Variants in DLGAP4 observed in about 807,000 individuals in gnomAD.
DLGAP4 encodes disks large-associated protein 4.
In DLGAP4, 18 loss-of-function variants were observed where a neutral mutation model predicts 86.9. The observed-to-expected ratio is 0.21, with a 90% CI of 0.14 to 0.31. The LOEUF is 0.31. DLGAP4 is among the 10% of genes least tolerant of loss of function. The pLI is 1.00. For synonymous variants in DLGAP4, 548 were observed against 574.3 expected (o/e 0.95, Z 0.65); for missense variants, 1,085 against 1,362.6 (o/e 0.80, Z 3.21).
chr20:36,499,694 G>A lies in DLGAP4; in HGVS notation c.2099+18G>A. 6.2e-7 allele frequency: 1 copy of A among 1,607,840 alleles called. No individual in the cohort carries two copies. Among genetic ancestry groups the A allele is most frequent in the Non-Finnish European group, 8.5e-7 (1 of 1,176,390 alleles). ...GACTGGCGGTAAGTCGGACAGAGGT[G>A]GCGGCTGCTTCTCCCCTCTCCTCTC... On this transcript the variant is annotated intron_variant, in intron 9 of 12. Coordinates refer to ENST00000339266, the MANE Select transcript of DLGAP4 (RefSeq NM_001365621.2).
chr20:36,383,978 C>A (rs1217938900), intron 2 of DLGAP4, among the ~76,000 whole-genome samples: 1 of 138,138 alleles, frequency 7.2e-6, no homozygotes, highest in Non-Finnish European at 1.5e-5. Flanking sequence ...AGCGAGACTC[C>A]GTCTCAAAAA....
At chr20:36,336,391 C>T (rs191401267) in intron 1 of DLGAP4, among the ~76,000 whole-genome samples, 3 of 152,272 alleles carry the variant, frequency 2.0e-5, no homozygotes, top group Non-Finnish European at 2.9e-5. Context: ...CAGGGCTTCC[C>T]GCCTGTGTTA....
intron 2 of DLGAP4, among the ~76,000 whole-genome samples, chr20:36,423,449 C>T (rs1600510080): frequency 1.7e-5 from 2 of 120,316 alleles, no homozygotes; most frequent in South Asian, 6.3e-4. Context: ...GAGCAAGACT[C>T]CGTCTCAAAA....
rs185996382 is a variant in DLGAP4, at chr20:36,353,692, G to A, written c.-303-13353G>A. Among the ~76,000 whole-genome samples, 6 of 152,306 alleles carry A rather than the reference G, an allele frequency of 3.9e-5. No homozygotes were observed. In the East Asian group the frequency reaches 7.7e-4, roughly 20 times the overall value. On this transcript the variant is annotated intron_variant, in intron 1 of 12. Transcript: ENST00000339266. ...AGAGCTGGGGCTCCAACCTGTGTCC[G>A]CCACTTTGCCATTCAGAACTCTGAG...
intron 2 of DLGAP4, among the ~76,000 whole-genome samples, chr20:36,418,586 A>C (rs1371654700): frequency 6.6e-6 from 1 of 152,150 alleles, no homozygotes; most frequent in Non-Finnish European, 1.5e-5. Context: ...TGCTGAAGCC[A>C]GGCAGGTTTC....
intron 6 of DLGAP4, among the ~76,000 whole-genome samples, chr20:36,446,236 T>G (rs1157979936): frequency 1.3e-5 from 2 of 152,132 alleles, no homozygotes; most frequent in African/African-American, 4.8e-5. Flanking sequence ...TGGGTACCCA[T>G]GGCAAGTGTC....
intron 2 of DLGAP4, among the ~76,000 whole-genome samples, chr20:36,401,842 G>A (rs548087680): frequency 2.0e-5 from 3 of 152,354 alleles, no homozygotes; most frequent in South Asian, 4.1e-4. Context: ...AGGAGGTGAC[G>A]TCTGTGCCAA....
rs2037899300 is a variant in DLGAP4, at chr20:36,528,380, TATGCTG to T, written c.*1350_*1355del. The T allele has an allele frequency of 6.6e-6, 1 of 152,632 alleles. No homozygotes were observed. 9.5% of individuals were successfully genotyped at this position (152,632 alleles called of 1,614,324 possible). A position where few individuals can be genotyped will look rare whatever the true frequency, so the allele number is the denominator to read the frequency against. On this transcript the variant is annotated 3_prime_UTR_variant, in exon 13 of 13. Coordinates refer to ENST00000339266, the MANE Select transcript of DLGAP4 (RefSeq NM_001365621.2). ...CAGCTCAGTACCTGAGGGGCTGCTCTATGCTGTGTATGCGCCTCTCTGGCATCCGAG... is the reference window on the plus strand; with the variant it reads ...CAGCTCAGTACCTGAGGGGCTGCTCTTGTATGCGCCTCTCTGGCATCCGAG...
chr20:36,333,641 T>C (rs782678007), intron 1 of DLGAP4, among the ~76,000 whole-genome samples: 2 of 152,200 alleles, frequency 1.3e-5, no homozygotes, highest in Non-Finnish European at 2.9e-5. Flanking sequence ...TGGGTTGCTG[T>C]GTGACTCCCC....
intron 8 of DLGAP4, 110 bp from the exon 9 acceptor site, chr20:36,499,478 C>G: frequency 7.3e-7 from 1 of 1,375,696 alleles, no homozygotes; most frequent in Non-Finnish European, 1.0e-6. Context: ...TGTCTGTCCA[C>G]ACGTCCGTTT....
chr20:36,493,469 C>T (rs780596581), intron 7 of DLGAP4, among the ~76,000 whole-genome samples: 6 of 152,164 alleles, frequency 3.9e-5, no homozygotes, highest in Non-Finnish European at 7.4e-5. Flanking sequence ...CCCGCCCTTC[C>T]GGAACAGAGG....
intron 7 of DLGAP4, chr20:36,462,461 G>T: frequency 6.5e-7 from 1 of 1,540,446 alleles, no homozygotes. Context: ...GCCCCCCCTT[G>T]CTTTTTCAGC....
intron 7 of DLGAP4, among the ~76,000 whole-genome samples, chr20:36,466,954 CT>C (rs2034392480): frequency 2.0e-5 from 3 of 150,986 alleles, no homozygotes; most frequent in African/African-American, 7.4e-5. Context: ...CTGTCTCTCT[CT>C]CTCTCTCTCT....
intron 3 of DLGAP4, among the ~76,000 whole-genome samples, 182 bp from the exon 4 acceptor site, chr20:36,435,927 C>A (rs1252012623): frequency 1.3e-5 from 2 of 152,188 alleles, no homozygotes; most frequent in Non-Finnish European, 2.9e-5. Context: ...GGCTCTGGAA[C>A]CCCGGTATTC....
chr20:36,430,262 T>C (rs2033091986), intron 2 of DLGAP4, among the ~76,000 whole-genome samples: 1 of 152,202 alleles, frequency 6.6e-6, no homozygotes, highest in Admixed American at 6.5e-5. Context: ...GTGCCCCTGT[T>C]ATTGACTCTG....
At chr20:36,324,989 A>G (rs1202253629) in intron 1 of DLGAP4, among the ~76,000 whole-genome samples, 1 of 151,014 alleles carries the variant, frequency 6.6e-6, no homozygotes, top group Non-Finnish European at 1.5e-5. Context: ...TCTCCCACTT[A>G]GTTCAGGGTT....
chr20:36,497,663 T>C (rs1038478217), intron 8 of DLGAP4: 1 of 983,620 alleles, frequency 1.0e-6, no homozygotes, highest in Non-Finnish European at 1.2e-6. Flanking sequence ...TCTCACTGCC[T>C]CCCTCCATGG....
At chr20:36,520,705 T>C (rs148562165) in intron 10 of DLGAP4, among the ~76,000 whole-genome samples, 10 of 152,302 alleles carry the variant, frequency 6.6e-5, no homozygotes. Context: ...ACGTCTAGTT[T>C]ATCTGCTTTT....
chr20:36,431,957 C>A lies in DLGAP4; in HGVS notation c.240C>A (p.Phe80Leu). The A allele has an allele frequency of 6.2e-7, 1 of 1,614,236 alleles. No individual in the cohort carries two copies. Among genetic ancestry groups the A allele is most frequent in the Non-Finnish European group, 8.5e-7 (1 of 1,180,028 alleles). The change falls in exon 3 of 13, where the codon TTC (phenylalanine) becomes TTA (leucine). Residue 80 changes from phenylalanine to leucine, a missense_variant. Coordinates refer to ENST00000339266, the MANE Select transcript of DLGAP4 (RefSeq NM_001365621.2). The surrounding 1 kb of genome is among the most constrained non-coding windows in gnomAD (Gnocchi z 5.1). ...TFPRIHYNSH[F>L]EVPEESPFPS... ...CCCGCATCCACTACAACTCCCACTT[C>A]GAGGTGCCAGAGGAGAGCCCCTTCC...
Sources: gnomAD v4.1 joint callset for allele counts (sites outside exome capture counted in the v4.1 genomes callset) on GRCh38, gnomAD v4.1.1 for gene constraint, Gnocchi (gnomAD v3.1) non-coding constraint, MANE v1.5 for transcripts, NCBI Gene and HGNC (gene_info 2026-07-23, HGNC 2026-07-21) for gene names.